The following HTRA1 variants were observed in gnomAD, a reference collection of about 807,000 sequenced individuals.
HTRA1 encodes the protein serine protease HTRA1.
In HTRA1, 26 loss-of-function variants were observed where a neutral mutation model predicts 49.7. That is an observed-to-expected ratio of 0.52 (90% confidence interval 0.38 to 0.73). The LOEUF (loss-of-function observed/expected upper bound fraction) is 0.73, where lower values mean the gene tolerates loss of function less well. Ranked by LOEUF, HTRA1 falls within the 30% of genes least tolerant of loss-of-function variation. The probability of loss-of-function intolerance (pLI) is 0.00; values close to 1 mark genes in which losing one functional copy is unlikely to be tolerated. For synonymous variants in HTRA1, 291 were observed against 286.9 expected, an observed-to-expected ratio of 1.01 and a Z score of -0.14; for missense variants, 561 against 667.2, an observed-to-expected ratio of 0.84 and a Z score of 1.75.
intron 1 of HTRA1, among the ~76,000 whole-genome samples, chr10:122,484,205 G>C (rs890810410): frequency 6.6e-6 from 1 of 152,174 alleles, no homozygotes; most frequent in African/African-American, 2.4e-5. Flanking sequence ...AGAACAGTGT[G>C]GGGAGGAGGC....
intron 1 of HTRA1, among the ~76,000 whole-genome samples, chr10:122,471,135 C>A (rs1025255120): frequency 6.6e-6 from 1 of 152,208 alleles, no homozygotes; most frequent in African/African-American, 2.4e-5. Context: ...TTAATGTTTG[C>A]TGGTCAGGAA....
At chr10:122,470,832 G>A (rs2097485791) in intron 1 of HTRA1, among the ~76,000 whole-genome samples, 1 of 152,090 alleles carries the variant, frequency 6.6e-6, no homozygotes, top group Non-Finnish European at 1.5e-5. Context: ...CAGAAGGATG[G>A]AAATAGTAAA....
At chr10:122,514,155 C>A in intron 8 of HTRA1, 36 bp from the exon 9 acceptor site, 1 of 1,605,912 alleles carries the variant, frequency 6.2e-7, no homozygotes, top group South Asian at 1.1e-5. Flanking sequence ...AATGGAAACA[C>A]GAAACATTGC....
In HTRA1 at chr10:122,506,940, G is replaced by C. The variant is rs1244685889; in HGVS notation, c.972+55G>C. The C allele has an allele frequency of 1.3e-6, 2 of 1,502,346 alleles. No homozygotes were observed. The highest frequency in any genetic ancestry group is 1.8e-6 in the Non-Finnish European group (2 of 1,084,922). The allele number at this position is 1,502,346 out of a possible 1,614,324, so 93.1% of individuals were successfully genotyped here. On this transcript the variant is annotated intron_variant, in intron 4 of 8. Transcript: ENST00000368984. The surrounding 1 kb of genome is among the most constrained non-coding windows in gnomAD (Gnocchi z 5.2). Reference sequence around the variant, plus strand: ...TTGGGGCAGAGTTTTGCCAGGGGGAGAGGAGTCAGCATAGGTCTTAGCCCC... The same window carrying C: ...TTGGGGCAGAGTTTTGCCAGGGGGACAGGAGTCAGCATAGGTCTTAGCCCC...
chr10:122,494,992 C>T lies in HTRA1; in HGVS notation c.777+5366C>T, dbSNP rs555452470. Among the ~76,000 whole-genome samples, 3 of 152,132 alleles carry T rather than the reference C, an allele frequency of 2.0e-5. No individual in the cohort carries two copies. The highest frequency in any genetic ancestry group is 3.9e-4 in the East Asian group (2 of 5,156). On this transcript the variant is annotated intron_variant, in intron 3 of 8. Transcript: ENST00000368984. The surrounding 1 kb of genome is among the most constrained non-coding windows in gnomAD (Gnocchi z 4.0). ...GCAGCCCCCCGGGACATGGCAGTGG[C>T]GGGGAGTGGACTGGGGTGGTGCTTG... is the stretch of plus-strand genomic sequence containing the variant.
intron 1 of HTRA1, among the ~76,000 whole-genome samples, chr10:122,477,190 A>G (rs1053543302): frequency 1.3e-5 from 2 of 151,894 alleles, no homozygotes; most frequent in African/African-American, 4.8e-5. Flanking sequence ...GACGGTCTCG[A>G]TCTCCTGACC....
Position 122,468,963 on chromosome 10 carries a change from G to A in HTRA1, c.472+6839G>A, listed in dbSNP as rs543730382. ...ATTTTAGATTCCAGGACAAATTGTC[G>A]AATAAGCACGTTTCATAAAAACAAT... On this transcript the variant is annotated intron_variant, in intron 1 of 8. Transcript: ENST00000368984. Among the ~76,000 whole-genome samples, 4 of 152,244 alleles carry A rather than the reference G, an allele frequency of 2.6e-5. No individual in the cohort carries two copies. The East Asian group carries it at 7.7e-4, about 29-fold the overall frequency.
At chr10:122,505,810 C>T (rs2268356) in intron 3 of HTRA1, among the ~76,000 whole-genome samples, 85,072 of 152,054 alleles carry the variant, frequency 0.56, 24,263 homozygotes, top group African/African-American at 0.65. Context: ...GAGGTCTGCT[C>T]GGCTCCGAGG....
At chr10:122,493,831 C>T (rs769211887) in intron 3 of HTRA1, among the ~76,000 whole-genome samples, 15 of 151,644 alleles carry the variant, frequency 9.9e-5, no homozygotes, top group Non-Finnish European at 2.2e-4. Context: ...TCTGCCCCTC[C>T]TCCCCTTCCC....
chr10:122,501,583 C>A (rs191806403), intron 3 of HTRA1, among the ~76,000 whole-genome samples: 4 of 152,266 alleles, frequency 2.6e-5, no homozygotes, highest in Admixed American at 2.6e-4. Context: ...CCAACCCTGA[C>A]CCCACCGCAT....
chr10:122,488,933 A>G lies in HTRA1; in HGVS notation c.504A>G (p.Lys168=), dbSNP rs35089212. Residue 168 remains lysine (K), a synonymous_variant, in exon 2 of 9, where the codon AAA becomes AAG. Transcript: ENST00000368984. ...AAGATCCCAACAGTTTGCGCCATAAATATAACTTTATCGCGGACGTGGTGG... is the reference window on the plus strand; with the variant it reads ...AAGATCCCAACAGTTTGCGCCATAAGTATAACTTTATCGCGGACGTGGTGG... ...GQEDPNSLRH[K]YNFIADVVEK... The G allele has an allele frequency of 1.2e-5, 19 of 1,614,050 alleles. No individual in the cohort carries two copies. In the Admixed American group the frequency reaches 3.0e-4, roughly 25 times the overall value.
rs199688727 is a variant in HTRA1, at chr10:122,507,336, G to A, written c.973-34G>A. ...CATAGATTGAACCATGTTATGACAC[G>A]ATTTGTAACCTTTTCATTTCTGTTT... On this transcript the variant is annotated intron_variant, in intron 4 of 8. Transcript: ENST00000368984. 2.4e-5 allele frequency: 39 copies of A among 1,596,570 alleles called. No individual in the cohort carries two copies. In the East Asian group the frequency reaches 6.9e-4, roughly 28 times the overall value.
At chr10:122,481,564 C>T (rs2097491002) in intron 1 of HTRA1, among the ~76,000 whole-genome samples, 1 of 152,218 alleles carries the variant, frequency 6.6e-6, no homozygotes, top group Non-Finnish European at 1.5e-5. Context: ...TCCACCTCTG[C>T]TCCTTGTGCC....
intron 1 of HTRA1, among the ~76,000 whole-genome samples, chr10:122,478,906 T>G (rs1005603100): frequency 1.4e-4 from 21 of 152,236 alleles, no homozygotes; most frequent in African/African-American, 4.8e-4. Context: ...CTCTTGAGAT[T>G]CTTAATAATT....
rs1392150719 is a variant in HTRA1, at chr10:122,511,974, G to C, written c.1183G>C (p.Ala395Pro). Residue 395 changes from alanine to proline, a missense_variant, in exon 8 of 9, where the codon GCC becomes CCC. By Grantham distance (27) the Ala-to-Pro change is conservative. Around this residue, in one of 3 missense-constraint regions of HTRA1, gnomAD observed 179 missense variants for 173.4 expected, o/e 1.03. Transcript: ENST00000368984. ...GGTGCTTTTTCTCTGGAGCAGCAAA[G>C]CCAAAGAGCTGAAGGACCGGCACCG... is the stretch of plus-strand genomic sequence containing the variant. ...IRMMSLTSSK[A>P]KELKDRHRDF... 6.2e-7 allele frequency: 1 copy of C among 1,613,748 alleles called. No homozygotes were observed. The highest frequency in any genetic ancestry group is 2.2e-5 in the East Asian group (1 of 44,866).
At chr10:122,491,687 A>G (rs867369608) in intron 3 of HTRA1, among the ~76,000 whole-genome samples, 1 of 152,218 alleles carries the variant, frequency 6.6e-6, no homozygotes, top group Non-Finnish European at 1.5e-5. Context: ...AACGATCTCA[A>G]TAGACGAGCT....
intron 6 of HTRA1, 75 bp from the exon 7 acceptor site, chr10:122,510,021 G>GC: frequency 1.5e-6 from 2 of 1,305,148 alleles, no homozygotes; most frequent in Non-Finnish European, 1.1e-6. Flanking sequence ...GGGGGATTGG[G>GC]CCCCCGGCCC....
rs1335835769 is a variant in HTRA1 at position 122,507,274 on chromosome 10, C to T, written c.973-96C>T. 6.1e-6 allele frequency: 6 copies of T among 979,838 alleles called. No homozygotes were observed. The African/African-American group carries it at 6.4e-5, about 10-fold the overall frequency. The allele number at this position is 979,838 out of a possible 1,614,324, so 60.7% of individuals were successfully genotyped here. On this transcript the variant is annotated intron_variant, in intron 4 of 8. Coordinates refer to ENST00000368984, the MANE Select transcript of HTRA1 (RefSeq NM_002775.5). ...TCTCAGAGAAGAATCGTGCCCCCCA[C>T]TCTAGGCACCGTGCTCAGGAAACGA...
intron 1 of HTRA1, among the ~76,000 whole-genome samples, chr10:122,477,458 C>T (rs544445627): frequency 2.5e-4 from 38 of 152,262 alleles, no homozygotes; most frequent in Non-Finnish European, 3.7e-4. Context: ...GATGGGGCCC[C>T]GAGGCTGGAC....
Sources: gnomAD v4.1 joint callset for allele counts (sites outside exome capture counted in the v4.1 genomes callset) on GRCh38, gnomAD v4.1.1 for gene constraint, gnomAD v4.1.1 regional missense constraint, Gnocchi (gnomAD v3.1) non-coding constraint, MANE v1.5 for transcripts, NCBI Gene and HGNC (gene_info 2026-07-23, HGNC 2026-07-21) for gene names.